CUX2: variants seen among roughly 807,000 people sequenced by gnomAD.
CUX2 encodes cut like homeobox 2.
In CUX2, 40 loss-of-function variants were observed where a neutral mutation model predicts 144.8. The observed-to-expected ratio is 0.28, with a 90% CI of 0.21 to 0.36. The LOEUF (loss-of-function observed/expected upper bound fraction) is 0.36, where lower values mean the gene tolerates loss of function less well. Ranked by LOEUF, CUX2 falls within the 10% of genes least tolerant of loss-of-function variation. The pLI, the probability that CUX2 is intolerant of heterozygous loss-of-function variation, is 1.00. For missense variants in CUX2, 1,615 were observed against 1,994.0 expected (o/e 0.81, Z 3.62); for synonymous variants, 827 against 875.6 (o/e 0.94, Z 0.98).
rs116713608 is a variant in CUX2, at chr12:111,078,182, C to T, written c.63+43942C>T. On this transcript the variant is annotated intron_variant, in intron 1 of 21. Transcript: ENST00000261726. ...CAACCAGTTGAGCCCACACTGTGCCCGGCACCAGACTAGGCATCGGGGATG... is the reference window on the plus strand; with the variant it reads ...CAACCAGTTGAGCCCACACTGTGCCTGGCACCAGACTAGGCATCGGGGATG... Among the ~76,000 whole-genome samples the T allele has an allele frequency of 5.3e-3, 809 of 152,256 alleles. 11 individuals are homozygous for T. The highest frequency in any genetic ancestry group is 0.019 in the African/African-American group (778 of 41,544).
chr12:111,190,709 AG>A lies in CUX2; in HGVS notation c.64-23489del, dbSNP rs1879824185. Among the ~76,000 whole-genome samples, 1 of 152,216 alleles carries A rather than the reference AG, an allele frequency of 6.6e-6. No homozygotes were observed. ...GATGCGAGGAGCAAAGGCAAAAGAG[AG>A]GCAGGTGGGCATCTGCCTCTATGTG... On this transcript the variant is annotated intron_variant, in intron 1 of 21. Coordinates refer to ENST00000261726, the MANE Select transcript of CUX2 (RefSeq NM_015267.4). The surrounding 1 kb of genome is among the most constrained non-coding windows in gnomAD (Gnocchi z 4.0).
chr12:111,302,970 C>G (rs75261212), intron 9 of CUX2, among the ~76,000 whole-genome samples: 1 of 151,432 alleles, frequency 6.6e-6, no homozygotes, highest in Non-Finnish European at 1.5e-5. Flanking sequence ...GCCTGTAATC[C>G]CAGCACTTTG....
intron 4 of CUX2, among the ~76,000 whole-genome samples, chr12:111,286,071 C>G (rs1885363153): frequency 6.6e-6 from 1 of 152,180 alleles, no homozygotes; most frequent in South Asian, 2.1e-4. Context: ...TAGCTCAAAG[C>G]AGGATTATTA....
chr12:111,207,970 G>A (rs141162496), intron 1 of CUX2, among the ~76,000 whole-genome samples: 2 of 152,194 alleles, frequency 1.3e-5, no homozygotes, highest in Non-Finnish European at 2.9e-5. Context: ...GTGGAACCAC[G>A]GAGTCAGAAG....
At chr12:111,256,491 T>C (rs1456319138) in intron 3 of CUX2, among the ~76,000 whole-genome samples, 1 of 151,972 alleles carries the variant, frequency 6.6e-6, no homozygotes, top group Non-Finnish European at 1.5e-5. Context: ...CCACCCCCCA[T>C]CATCTCTCAG....
At chr12:111,049,979 T>C (rs1357221468) in intron 1 of CUX2, among the ~76,000 whole-genome samples, 1 of 152,106 alleles carries the variant, frequency 6.6e-6, no homozygotes, top group Non-Finnish European at 1.5e-5. Flanking sequence ...CACCCACCTA[T>C]GCTGTTGGAC....
intron 1 of CUX2, among the ~76,000 whole-genome samples, chr12:111,142,101 A>G (rs1876358329): frequency 6.6e-6 from 1 of 152,090 alleles, no homozygotes; most frequent in Admixed American, 6.6e-5. Flanking sequence ...AGGGAAAACT[A>G]TTGCCTGGGG....
intron 4 of CUX2, among the ~76,000 whole-genome samples, chr12:111,266,411 C>T (rs992649342): frequency 6.8e-6 from 1 of 148,126 alleles, no homozygotes; most frequent in African/African-American, 2.5e-5. Flanking sequence ...GCGGAGGTTG[C>T]AATGAGCCGA....
chr12:111,103,770 CT>C (rs1873416693), intron 1 of CUX2, among the ~76,000 whole-genome samples: 1 of 152,212 alleles, frequency 6.6e-6, no homozygotes, highest in African/African-American at 2.4e-5. Flanking sequence ...GGTCAGGTGT[CT>C]GCCTTCAGGC....
In CUX2 at chr12:111,334,625, C is replaced by G. The variant is rs1888264677; in HGVS notation, c.3111C>G (p.Ile1037Met). 1.2e-6 allele frequency: 2 copies of G among 1,613,908 alleles called. No individual in the cohort carries two copies. Among genetic ancestry groups the G allele is most frequent in the Non-Finnish European group, 1.7e-6 (2 of 1,180,044 alleles). The change falls in exon 19 of 22, where the codon ATC becomes ATG. Residue 1037 changes from isoleucine to methionine, a missense_variant. Ile to Met is a conservative substitution (Grantham distance 10, BLOSUM62 1). Around this residue, in one of 12 missense-constraint regions of CUX2, gnomAD observed 128 missense variants for 124.4 expected, o/e 1.03. Coordinates refer to ENST00000261726, the MANE Select transcript of CUX2 (RefSeq NM_015267.4). Reference protein sequence around the residue: ...MYSGSQAPGGIQEIVAMSPEL... With the variant: ...MYSGSQAPGGMQEIVAMSPEL... ...CAGGCAGCCAGGCCCCAGGGGGCAT[C>G]CAGGAGATCGTGGCCATGTCCCCCG... is the stretch of plus-strand genomic sequence containing the variant.
At position 111,145,108 on chromosome 12, in the gene CUX2, C is replaced by T. The variant is rs115548735; in HGVS notation, c.64-69092C>T. On this transcript the variant is annotated intron_variant, in intron 1 of 21. Transcript: ENST00000261726. ...GCCATAAGCATTGATCTTTCTGATC[C>T]CTGCAACCCTCTTTCCTCGAGCTGT... 5.8e-3 allele frequency among the ~76,000 whole-genome samples: 887 copies of T among 152,274 alleles called. 9 individuals carry two copies. The highest frequency in any genetic ancestry group is 0.02 in the African/African-American group (838 of 41,546).
chr12:111,133,667 G>T (rs146106922), intron 1 of CUX2, among the ~76,000 whole-genome samples: 5 of 152,280 alleles, frequency 3.3e-5, no homozygotes, highest in African/African-American at 4.8e-5. Flanking sequence ...TTAGGGGCCT[G>T]CTGGGAATTC....
At chr12:111,169,231 C>T (rs1045033136) in intron 1 of CUX2, among the ~76,000 whole-genome samples, 1 of 152,096 alleles carries the variant, frequency 6.6e-6, no homozygotes, top group Admixed American at 6.5e-5. Flanking sequence ...GCCACAAGCC[C>T]AGCAACACCA....
Position 111,304,061 on chromosome 12 carries a change from A to C in CUX2, c.754-149A>C. On this transcript the variant is annotated intron_variant, in intron 9 of 21. Coordinates refer to ENST00000261726, the MANE Select transcript of CUX2 (RefSeq NM_015267.4). The surrounding 1 kb of genome is among the most constrained non-coding windows in gnomAD (Gnocchi z 4.7). ...AGACAGGGCTCTGTGACTGGTCTTC[A>C]TAGCTCCAGGACAGGGTCCGGGACT... 1 of 610,228 alleles carries C rather than the reference A, an allele frequency of 1.6e-6. No individual in the cohort carries two copies. The highest frequency in any genetic ancestry group is 2.0e-5 in the South Asian group (1 of 50,076). The allele number at this position is 610,228 out of a possible 1,614,324, so 37.8% of individuals were successfully genotyped here. A position where few individuals can be genotyped will look rare whatever the true frequency, so the allele number is the denominator to read the frequency against.
At chr12:111,073,652 T>A (rs1871356752) in intron 1 of CUX2, among the ~76,000 whole-genome samples, 1 of 152,070 alleles carries the variant, frequency 6.6e-6, no homozygotes, top group African/African-American at 2.4e-5. Flanking sequence ...ATCTCCCAAA[T>A]TGTAACAATG....
chr12:111,114,811 T>C (rs961243403), intron 1 of CUX2, among the ~76,000 whole-genome samples: 1 of 152,264 alleles, frequency 6.6e-6, no homozygotes, highest in Non-Finnish European at 1.5e-5. Flanking sequence ...TTTGGGTTTG[T>C]GATCTGTCTC....
intron 3 of CUX2, among the ~76,000 whole-genome samples, chr12:111,245,237 T>C (rs562305523): frequency 6.6e-6 from 1 of 152,162 alleles, no homozygotes; most frequent in Admixed American, 6.5e-5. Flanking sequence ...AAAATGCTTA[T>C]ATTAAATTGG....
intron 18 of CUX2, among the ~76,000 whole-genome samples, chr12:111,328,642 C>A (rs112158477): frequency 6.6e-6 from 1 of 150,486 alleles, no homozygotes; most frequent in Admixed American, 6.6e-5. Flanking sequence ...CTCTGTCGCC[C>A]AGGCTGGAGT....
intron 16 of CUX2, among the ~76,000 whole-genome samples, chr12:111,318,253 T>TC: frequency 6.8e-6 from 1 of 148,138 alleles, no homozygotes; most frequent in East Asian, 2.0e-4. Context: ...TTCTTTTTTT[T>TC]TTTTTTTTCA....
Sources: allele counts gnomAD v4.1 joint callset (sites outside exome capture counted in the v4.1 genomes callset), GRCh38; gene constraint gnomAD v4.1.1; regional missense constraint gnomAD v4.1.1; non-coding constraint Gnocchi (gnomAD v3.1); transcripts MANE v1.5; gene names NCBI Gene and HGNC (gene_info 2026-07-23, HGNC 2026-07-21).